The following KCNAB1 variants were observed in gnomAD, a reference collection of about 807,000 sequenced individuals.
KCNAB1 encodes the protein voltage-gated potassium channel subunit beta-1.
KCNAB1 carries 35 observed loss-of-function variants against 64.6 expected under a neutral mutation model. The observed-to-expected ratio is 0.54, with a 90% CI of 0.41 to 0.72. The LOEUF (loss-of-function observed/expected upper bound fraction) is 0.72. KCNAB1 is among the 30% of genes least tolerant of loss of function. The probability of loss-of-function intolerance (pLI) is 0.00; values close to 1 mark genes in which losing one functional copy is unlikely to be tolerated. For synonymous variants in KCNAB1, 177 were observed against 183.8 expected, an observed-to-expected ratio of 0.96 and a Z score of 0.30; for missense variants, 401 against 512.9, an observed-to-expected ratio of 0.78 and a Z score of 2.11.
chr3:156,165,277 C>CAA (rs35419424), intron 1 of KCNAB1, among the ~76,000 whole-genome samples: 278 of 27,074 alleles, frequency 0.01, 26 homozygotes, highest in African/African-American at 0.02. Flanking sequence ...GACTCCGTCT[C>CAA]AAAAAAAAAA....
chr3:156,450,643 C>A (rs954842518), intron 2 of KCNAB1, among the ~76,000 whole-genome samples: 2 of 152,092 alleles, frequency 1.3e-5, no homozygotes, highest in African/African-American at 4.8e-5. Context: ...GGTTTTGATA[C>A]CCAGGCAATT....
At chr3:156,470,213 G>A (rs1312853421) in intron 7 of KCNAB1, among the ~76,000 whole-genome samples, 1 of 152,228 alleles carries the variant, frequency 6.6e-6, no homozygotes, top group Non-Finnish European at 1.5e-5. Context: ...TCACAAGGAA[G>A]AGGAAGAAAT....
At chr3:156,291,203 C>T (rs540852302) in intron 1 of KCNAB1, 2 of 985,922 alleles carry the variant, frequency 2.0e-6, no homozygotes, top group African/African-American at 3.5e-5. Flanking sequence ...CCTGCTCCTC[C>T]GTGCAGCTGC....
At chr3:156,411,424 CTT>C (rs1714659221) in intron 1 of KCNAB1, among the ~76,000 whole-genome samples, 1 of 151,970 alleles carries the variant, frequency 6.6e-6, no homozygotes, top group African/African-American at 2.4e-5. Flanking sequence ...TATCTAAAAA[CTT>C]TGTCAAGCCC....
intron 1 of KCNAB1, among the ~76,000 whole-genome samples, chr3:156,209,434 T>G (rs1446927939): frequency 1.3e-5 from 2 of 152,240 alleles, no homozygotes; most frequent in Non-Finnish European, 2.9e-5. Context: ...ATGCTTACCT[T>G]AATTAATAAG....
rs115389289 is a variant in KCNAB1, at chr3:156,427,158, G to C, written c.319+5499G>C. On this transcript the variant is annotated intron_variant, in intron 2 of 13. Transcript: ENST00000490337. ...CCCAGACTCCTGGATTGGGCATGGG[G>C]GTGGATGAGCTGAAATCTCAGAGAC... Among the ~76,000 whole-genome samples, 722 of 152,282 alleles carry C rather than the reference G, an allele frequency of 4.7e-3. 10 individuals are homozygous for C. The highest frequency in any genetic ancestry group is 0.016 in the African/African-American group (647 of 41,550).
At chr3:156,217,539 C>T (rs1476595087) in intron 1 of KCNAB1, among the ~76,000 whole-genome samples, 2 of 152,202 alleles carry the variant, frequency 1.3e-5, no homozygotes, top group African/African-American at 4.8e-5. Flanking sequence ...ATTGCGTTTC[C>T]ACTATGGTTT....
Position 156,404,434 on chromosome 3 carries a change from G to C in KCNAB1, c.276-17182G>C, listed in dbSNP as rs1559868215. Among the ~76,000 whole-genome samples, 4 of 152,222 alleles carry C rather than the reference G, an allele frequency of 2.6e-5. No homozygotes were observed. In the East Asian group the frequency reaches 5.8e-4, roughly 22 times the overall value. On this transcript the variant is annotated intron_variant, in intron 1 of 13. Coordinates refer to ENST00000490337, the MANE Select transcript of KCNAB1 (RefSeq NM_172160.3). Reference sequence around the variant, plus strand: ...TTGTTCCCCTTGACAGCATACAAATGATGGATTGTCTGTGCCCACTTGTTT... The same window carrying C: ...TTGTTCCCCTTGACAGCATACAAATCATGGATTGTCTGTGCCCACTTGTTT...
rs118039468 is a variant in KCNAB1 at position 156,278,763 on chromosome 3, C to T, written c.276-142853C>T. On this transcript the variant is annotated intron_variant, in intron 1 of 13. Coordinates refer to ENST00000490337, the MANE Select transcript of KCNAB1 (RefSeq NM_172160.3). ...AAGTGAGCATCAAAACTCGCAGAGT[C>T]GGTGTCACCAGATTGGAAAAAAGTC... 4.7e-4 allele frequency among the ~76,000 whole-genome samples: 71 copies of T among 151,984 alleles called. No homozygotes were observed. The East Asian group carries it at 0.013, about 28-fold the overall frequency.
intron 1 of KCNAB1, among the ~76,000 whole-genome samples, chr3:156,279,874 G>C (rs1395296508): frequency 6.7e-6 from 1 of 149,378 alleles, no homozygotes; most frequent in East Asian, 2.0e-4. Context: ...TTAGCCCTTT[G>C]TCAGATGAGT....
intron 1 of KCNAB1, among the ~76,000 whole-genome samples, chr3:156,129,862 T>C (rs574929761): frequency 6.6e-6 from 1 of 152,324 alleles, no homozygotes; most frequent in African/African-American, 2.4e-5. Flanking sequence ...TCCCTCCTCG[T>C]TTAACTTAGA....
intron 1 of KCNAB1, chr3:156,291,356 G>C (rs1576683779): frequency 1.0e-6 from 1 of 994,628 alleles, no homozygotes; most frequent in East Asian, 1.1e-4. Context: ...CCAGTCCGAG[G>C]GGACCCGCTT....
At chr3:156,210,110 G>A (rs1043746163) in intron 1 of KCNAB1, among the ~76,000 whole-genome samples, 5 of 152,162 alleles carry the variant, frequency 3.3e-5, no homozygotes, top group African/African-American at 1.2e-4. Context: ...CTGGGTTATT[G>A]AATTGGAGTG....
chr3:156,146,411 C>T (rs572535746), intron 1 of KCNAB1, among the ~76,000 whole-genome samples: 18 of 152,254 alleles, frequency 1.2e-4, no homozygotes, highest in Admixed American at 5.2e-4. Flanking sequence ...ACAGTAAACA[C>T]GAGCCTGAGT....
At chr3:156,119,295 A>G (rs1229989888), upstream of KCNAB1, among the ~76,000 whole-genome samples, 4 of 152,222 alleles carry the variant, frequency 2.6e-5, no homozygotes, top group Non-Finnish European at 4.4e-5. Flanking sequence ...TTACCAAGCC[A>G]TGTGACCGAG....
intron 2 of KCNAB1, among the ~76,000 whole-genome samples, chr3:156,425,031 G>A (rs1371970224): frequency 6.6e-6 from 1 of 152,204 alleles, no homozygotes; most frequent in Non-Finnish European, 1.5e-5. Context: ...AGCCAGAGGA[G>A]ACAAGAAATT....
At chr3:156,259,125 G>A (rs747825558) in intron 1 of KCNAB1, among the ~76,000 whole-genome samples, 4 of 152,170 alleles carry the variant, frequency 2.6e-5, no homozygotes, top group Non-Finnish European at 5.9e-5. Context: ...CAATGCTGTA[G>A]AAGCAAACCA....
At chr3:156,309,763 T>C (rs9874261) in intron 1 of KCNAB1, among the ~76,000 whole-genome samples, 54,572 of 152,150 alleles carry the variant, frequency 0.36, 12,572 homozygotes, top group African/African-American at 0.66. Context: ...TGGCAGTCCT[T>C]GGTCCTGCTG....
At chr3:156,229,132 T>C (rs1576627007) in intron 1 of KCNAB1, among the ~76,000 whole-genome samples, 1 of 152,230 alleles carries the variant, frequency 6.6e-6, no homozygotes, top group East Asian at 1.9e-4. Flanking sequence ...TTTTTCTTTC[T>C]ATGGTGTATT....
Sources: gnomAD v4.1 joint callset for allele counts (sites outside exome capture counted in the v4.1 genomes callset) on GRCh38, gnomAD v4.1.1 for gene constraint, MANE v1.5 for transcripts, NCBI Gene and HGNC (gene_info 2026-07-23, HGNC 2026-07-21) for gene names.